The following GRAMD2B variants were observed in gnomAD, a reference collection of about 807,000 sequenced individuals.
GRAMD2B encodes the protein GRAM domain containing 2B.
GRAMD2B carries 41 observed loss-of-function variants against 59.2 expected under a neutral mutation model. The observed-to-expected ratio is 0.69, with a 90% confidence interval of 0.54 to 0.90. The LOEUF is 0.90. Ranked by LOEUF, GRAMD2B falls within the 40% of genes least tolerant of loss-of-function variation. The probability of loss-of-function intolerance (pLI) is 0.00; values close to 1 mark genes in which losing one functional copy is unlikely to be tolerated. For missense variants in GRAMD2B, 424 were observed against 500.5 expected (o/e 0.85, Z 1.46); for synonymous variants, 161 against 182.7 (o/e 0.88, Z 0.96).
At chr5:126,397,494 G>A (rs1757458584) in intron 1 of GRAMD2B, among the ~76,000 whole-genome samples, 1 of 152,070 alleles carries the variant, frequency 6.6e-6, no homozygotes, top group Non-Finnish European at 1.5e-5. Context: ...AAAGTGCTGG[G>A]ATTATAGGTG....
chr5:126,409,901 A>G (rs1442791679), intron 1 of GRAMD2B, among the ~76,000 whole-genome samples: 1 of 151,392 alleles, frequency 6.6e-6, no homozygotes, highest in African/African-American at 2.4e-5. Flanking sequence ...TCAGCTTTCT[A>G]CATATGGCTA....
At chr5:126,422,023 T>C (rs1759777155), upstream of GRAMD2B, among the ~76,000 whole-genome samples, 1 of 152,210 alleles carries the variant, frequency 6.6e-6, no homozygotes. Context: ...TTTATATTAA[T>C]TATTCTAATT....
chr5:126,466,149 T>G (rs1482466109), intron 2 of GRAMD2B: 11 of 1,289,650 alleles, frequency 8.5e-6, no homozygotes, highest in Non-Finnish European at 1.0e-5. Flanking sequence ...GTGTGATGGG[T>G]GAGTGCAGTT....
chr5:126,475,421 A>G (rs1770390037), intron 5 of GRAMD2B, among the ~76,000 whole-genome samples: 1 of 152,188 alleles, frequency 6.6e-6, no homozygotes, highest in Admixed American at 6.5e-5. Flanking sequence ...AATTAGACTC[A>G]TTTTTTAAAA....
chr5:126,465,259 G>A, intron 1 of GRAMD2B, 167 bp from the exon 2 acceptor site: 2 of 1,456,634 alleles, frequency 1.4e-6, no homozygotes, highest in Non-Finnish European at 1.8e-6. Flanking sequence ...CACCAGGCAA[G>A]GGGTTAGAAT....
chr5:126,448,947 T>C (rs1764840528), intron 1 of GRAMD2B, among the ~76,000 whole-genome samples: 1 of 152,230 alleles, frequency 6.6e-6, no homozygotes, highest in Non-Finnish European at 1.5e-5. Context: ...TGTGGTATCA[T>C]GGTGTCACGG....
chr5:126,478,200 G>A (rs1771020264), intron 6 of GRAMD2B, among the ~76,000 whole-genome samples: 1 of 150,366 alleles, frequency 6.7e-6, no homozygotes, highest in Non-Finnish European at 1.5e-5. Flanking sequence ...GGAGGCTGAG[G>A]GCTGAGGTGG....
At chr5:126,479,335 T>C (rs1771271246) in intron 6 of GRAMD2B, among the ~76,000 whole-genome samples, 2 of 152,076 alleles carry the variant, frequency 1.3e-5, no homozygotes, top group Non-Finnish European at 2.9e-5. Context: ...CCACCATGAC[T>C]GGCTATAGAT....
At position 126,485,769 on chromosome 5, in the gene GRAMD2B, A is replaced by G. The variant is rs1459590104; in HGVS notation, c.1054A>G (p.Ile352Val). 3.8e-6 allele frequency: 6 copies of G among 1,585,902 alleles called. No homozygotes were observed. The highest frequency in any genetic ancestry group is 5.2e-6 in the Non-Finnish European group (6 of 1,157,446). ...TCACCATATTCTTATATTCTATGCA[A>G]TTGTGTAAGTACATGAATTTACTGT... ...MLHHILIFYA[I>V]VVCALIISTF... The change falls in exon 11 of 14, where the codon ATT (isoleucine) becomes GTT (valine). Residue 352 changes from isoleucine (I) to valine (V), a missense_variant. Physicochemically the swap from Ile to Val is conservative, Grantham distance 29. Coordinates refer to ENST00000285689, the MANE Select transcript of GRAMD2B (RefSeq NM_023927.4).
chr5:126,485,864 TCTC>T, intron 11 of GRAMD2B, 91 bp downstream of exon 11: 1 of 733,218 alleles, frequency 1.4e-6, no homozygotes, highest in South Asian at 1.9e-5. Flanking sequence ...CTACTGTAAA[TCTC>T]AATTGTCTGA....
chr5:126,467,945 C>T (rs1768772899), intron 2 of GRAMD2B, among the ~76,000 whole-genome samples: 1 of 152,140 alleles, frequency 6.6e-6, no homozygotes, highest in Non-Finnish European at 1.5e-5. Flanking sequence ...TAACTTCAGT[C>T]CTTTCTGTTT....
At chr5:126,371,941 A>T (rs953277917) in intron 1 of GRAMD2B, among the ~76,000 whole-genome samples, 3 of 152,166 alleles carry the variant, frequency 2.0e-5, no homozygotes, top group Non-Finnish European at 4.4e-5. Context: ...TACATGAACT[A>T]TTATTAAAAT....
At chr5:126,384,623 G>A (rs534279837) in intron 1 of GRAMD2B, among the ~76,000 whole-genome samples, 5 of 152,352 alleles carry the variant, frequency 3.3e-5, no homozygotes, top group Admixed American at 6.5e-5. Context: ...GTCTCACAGA[G>A]TTGTCCTTTG....
intron 1 of GRAMD2B, among the ~76,000 whole-genome samples, chr5:126,389,249 T>G (rs1756483083): frequency 6.6e-6 from 1 of 152,210 alleles, no homozygotes; most frequent in Non-Finnish European, 1.5e-5. Flanking sequence ...ATCTGTGAAG[T>G]GCTTAGAAAA....
At chr5:126,369,976 C>G (rs1425185482), upstream of GRAMD2B, among the ~76,000 whole-genome samples, 4 of 152,156 alleles carry the variant, frequency 2.6e-5, no homozygotes, top group Non-Finnish European at 5.9e-5. Flanking sequence ...CATTTCAACT[C>G]AATTTCAGCA....
At chr5:126,487,159 G>A (rs1773101224) in intron 12 of GRAMD2B, among the ~76,000 whole-genome samples, 182 bp downstream of exon 12, 1 of 152,068 alleles carries the variant, frequency 6.6e-6, no homozygotes, top group South Asian at 2.1e-4. Flanking sequence ...ACCTAACCCT[G>A]TACTATTTTG....
intron 1 of GRAMD2B, among the ~76,000 whole-genome samples, chr5:126,430,568 C>G (rs1387122149): frequency 6.6e-6 from 1 of 152,152 alleles, no homozygotes; most frequent in African/African-American, 2.4e-5. Flanking sequence ...CTCCCTATCT[C>G]TATGAATCTG....
At chr5:126,392,283 T>A (rs1325276102) in intron 1 of GRAMD2B, among the ~76,000 whole-genome samples, 1 of 152,180 alleles carries the variant, frequency 6.6e-6, no homozygotes, top group Non-Finnish European at 1.5e-5. Context: ...GGCTAAGATT[T>A]CTTACAGTGA....
At chr5:126,477,854 G>A in intron 6 of GRAMD2B, 67 bp downstream of exon 6, 1 of 924,496 alleles carries the variant, frequency 1.1e-6, no homozygotes, top group Non-Finnish European at 1.8e-6. Flanking sequence ...CTGCCTAAGG[G>A]GTCTCTTGCC....
Sources: gnomAD v4.1 joint callset for allele counts (sites outside exome capture counted in the v4.1 genomes callset) on GRCh38, gnomAD v4.1.1 for gene constraint, MANE v1.5 for transcripts, NCBI Gene and HGNC (gene_info 2026-07-23, HGNC 2026-07-21) for gene names.